Variants in FBN2 observed in about 807,000 individuals in gnomAD.
The protein encoded by FBN2 is fibrillin 2.
A neutral mutation model predicts 355.6 loss-of-function variants in FBN2; 105 were observed. The observed-to-expected ratio is 0.30, with a 90% CI of 0.25 to 0.35. The LOEUF is 0.35. Ranked by LOEUF, FBN2 falls within the 10% of genes least tolerant of loss-of-function variation. FBN2 has a pLI of 1.00. For missense variants in FBN2, 3,280 were observed against 3,758.7 expected, an observed-to-expected ratio of 0.87 and a Z score of 3.33; for synonymous variants, 1,350 against 1,301.2, an observed-to-expected ratio of 1.04 and a Z score of -0.81.
Position 128,263,505 on chromosome 5 carries a change from G to T in FBN2, c.8112C>A (p.Asn2704Lys), listed in dbSNP as rs370851605. 3.1e-6 allele frequency: 5 copies of T among 1,614,012 alleles called. No individual in the cohort carries two copies. The highest frequency in any genetic ancestry group is 1.3e-5 in the African/African-American group (1 of 74,908). ...HDVNECSSSK[N>K]PCNYGCSNTE... ...TGTTAGAGCAGCCGTAATTGCAGGG[G>T]TTCTTGGAGGACGAGCACTCATTCA... Residue 2704 changes from asparagine (N) to lysine (K), a missense_variant, in exon 63 of 65, where the codon AAC becomes AAA. Physicochemically the swap from Asn to Lys is moderately conservative, Grantham distance 94. This residue lies in a region of FBN2 where 311 missense variants were observed against 319.1 expected (regional missense o/e 0.97). Transcript: ENST00000262464.
At chr5:128,489,634 A>C (rs1362994190) in intron 5 of FBN2, among the ~76,000 whole-genome samples, 1 of 152,196 alleles carries the variant, frequency 6.6e-6, no homozygotes, top group Non-Finnish European at 1.5e-5. Context: ...ACATTAGGAA[A>C]CAATTAAAAG....
At chr5:128,508,719 T>C (rs1378893289) in intron 5 of FBN2, among the ~76,000 whole-genome samples, 1 of 152,088 alleles carries the variant, frequency 6.6e-6, no homozygotes, top group Non-Finnish European at 1.5e-5. Context: ...CAAAAATATT[T>C]GGCAATATTT....
intron 19 of FBN2, among the ~76,000 whole-genome samples, chr5:128,358,951 T>C (rs1206059249): frequency 6.6e-6 from 1 of 152,030 alleles, no homozygotes. Context: ...TATGTTGTTA[T>C]GTTATAAATG....
chr5:128,280,395 T>C, intron 55 of FBN2, 78 bp from the exon 56 acceptor site: 5 of 1,150,410 alleles, frequency 4.3e-6, no homozygotes, highest in Non-Finnish European at 6.5e-6. Flanking sequence ...ATGGGTTATA[T>C]CTTATTTAAC....
chr5:128,280,074 T>G, intron 56 of FBN2, 118 bp downstream of exon 56: 1 of 802,846 alleles, frequency 1.2e-6, no homozygotes, highest in Non-Finnish European at 2.1e-6. Flanking sequence ...AGCATGTGGA[T>G]TATTGAGATT....
chr5:128,364,845 G>T, intron 17 of FBN2, 120 bp from the exon 18 acceptor site: 1 of 849,470 alleles, frequency 1.2e-6, no homozygotes. Context: ...CTCACAATTT[G>T]CCTGCCTTTC....
At chr5:128,263,953 C>A (rs1378813559) in intron 62 of FBN2, among the ~76,000 whole-genome samples, 4 of 152,088 alleles carry the variant, frequency 2.6e-5, no homozygotes, top group Non-Finnish European at 5.9e-5. Flanking sequence ...ATTCTCTTAA[C>A]AGAAGGTTAC....
At chr5:128,528,097 T>C (rs1334192616) in intron 3 of FBN2, 130 bp from the exon 4 acceptor site, 1 of 692,272 alleles carries the variant, frequency 1.4e-6, no homozygotes, top group South Asian at 1.5e-5. Flanking sequence ...GGAAATACTA[T>C]GACCCAAACA....
At chr5:128,309,120 G>A (rs575997358) in intron 41 of FBN2, 127 bp downstream of exon 41, 1 of 915,174 alleles carries the variant, frequency 1.1e-6, no homozygotes, top group African/African-American at 1.6e-5. Flanking sequence ...AGAACCATAT[G>A]ATGCTCTTGG....
chr5:128,475,126 T>C (rs969246089), intron 5 of FBN2, among the ~76,000 whole-genome samples: 3 of 152,286 alleles, frequency 2.0e-5, no homozygotes, highest in African/African-American at 4.8e-5. Context: ...TAGAACCTTA[T>C]ACCATGCCTG....
chr5:128,537,744 C>A lies in FBN2; in HGVS notation c.-141G>T. The stretch of plus-strand genomic sequence containing the variant: ...CTCCCTCGGGCTCGGGCTCCCTGCT[C>A]TAGCTGGAGACCTCGACAGAGCGCC... On this transcript the variant is annotated 5_prime_UTR_variant, in exon 1 of 65. Coordinates refer to ENST00000262464, the MANE Select transcript of FBN2 (RefSeq NM_001999.4). The A allele has an allele frequency of 1.2e-6, 1 of 822,086 alleles. No homozygotes were observed. The highest frequency in any genetic ancestry group is 2.7e-5 in the East Asian group (1 of 37,326). The allele number at this position is 822,086 out of a possible 1,614,324, so 50.9% of individuals were successfully genotyped here. A position where few individuals can be genotyped will look rare whatever the true frequency, so the allele number is the denominator to read the frequency against.
chr5:128,392,596 T>C (rs1427362582), intron 10 of FBN2, among the ~76,000 whole-genome samples: 2 of 152,198 alleles, frequency 1.3e-5, no homozygotes, highest in African/African-American at 2.4e-5. Flanking sequence ...AACTCTGGTC[T>C]GAAGCCCACG....
chr5:128,383,786 A>C (rs937119493), intron 11 of FBN2, among the ~76,000 whole-genome samples: 1 of 152,060 alleles, frequency 6.6e-6, no homozygotes, highest in Non-Finnish European at 1.5e-5. Context: ...ACAATGGCTA[A>C]AGTGTAAAAA....
chr5:128,512,904 ATCAT>A (rs1360864015), intron 5 of FBN2, among the ~76,000 whole-genome samples: 1 of 152,214 alleles, frequency 6.6e-6, no homozygotes, highest in African/African-American at 2.4e-5. Context: ...CAGGCATTAT[ATCAT>A]TCAATCTTCA....
At chr5:128,501,056 A>C (rs1755796000) in intron 5 of FBN2, among the ~76,000 whole-genome samples, 1 of 152,174 alleles carries the variant, frequency 6.6e-6, no homozygotes. Context: ...TTACAATCAC[A>C]ATAAGGAAGA....
intron 11 of FBN2, among the ~76,000 whole-genome samples, chr5:128,379,850 G>A (rs1326985750): frequency 6.6e-6 from 1 of 152,078 alleles, no homozygotes; most frequent in Non-Finnish European, 1.5e-5. Flanking sequence ...ATGTGTAGAA[G>A]CCATTAACAT....
At position 128,377,883 on chromosome 5, in the gene FBN2, A is replaced by G. The variant is rs1259657269; in HGVS notation, c.1724-6T>C. ...CTGGATGCACTCATCAATATCTAGG[A>G]AGATTGAGAATGGCCAAACATCATT... is the stretch of plus-strand genomic sequence containing the variant. On this transcript the variant is annotated splice_region_variant and splice_polypyrimidine_tract_variant and intron_variant, in intron 12 of 64. Coordinates refer to ENST00000262464, the MANE Select transcript of FBN2 (RefSeq NM_001999.4). The G allele has an allele frequency of 1.9e-6, 3 of 1,612,058 alleles. No homozygotes were observed. The highest frequency in any genetic ancestry group is 2.5e-6 in the Non-Finnish European group (3 of 1,178,386).
Position 128,354,856 on chromosome 5 carries a change from C to G in FBN2, c.2674+2420G>C, listed in dbSNP as rs1049140985. On this transcript the variant is annotated intron_variant, in intron 20 of 64. Coordinates refer to ENST00000262464, the MANE Select transcript of FBN2 (RefSeq NM_001999.4). ...GGAATTTGAGATATCGATGAGCCATCCAAGTGGAGACACTGTACAGACAGT... is the reference window on the plus strand; with the variant it reads ...GGAATTTGAGATATCGATGAGCCATGCAAGTGGAGACACTGTACAGACAGT... Among the ~76,000 whole-genome samples, 5 of 152,134 alleles carry G rather than the reference C, an allele frequency of 3.3e-5. No individual in the cohort carries two copies. In the South Asian group the frequency reaches 8.3e-4, roughly 25 times the overall value.
At chr5:128,290,447 T>G (rs1449249612) in intron 50 of FBN2, among the ~76,000 whole-genome samples, 2 of 152,182 alleles carry the variant, frequency 1.3e-5, no homozygotes, top group African/African-American at 4.8e-5. Context: ...ATTCCCTTCT[T>G]TCTCCTGCCT....
Sources: gnomAD v4.1 joint callset for allele counts (sites outside exome capture counted in the v4.1 genomes callset) on GRCh38, gnomAD v4.1.1 for gene constraint, gnomAD v4.1.1 regional missense constraint, MANE v1.5 for transcripts, NCBI Gene and HGNC (gene_info 2026-07-23, HGNC 2026-07-21) for gene names.